DRC8: variants seen among roughly 807,000 people sequenced by gnomAD.
DRC8 encodes the protein dynein regulatory complex subunit 8.
the DRC8 span, among the ~76,000 whole-genome samples, chr1:244,986,447 A>G: frequency 2.6e-5 from 4 of 152,196 alleles, no homozygotes; most frequent in Admixed American, 6.5e-5. Context: ...GTGTGAAATG[A>G]AGTTTGAAAG....
At chr1:245,074,244 C>A in the DRC8 span, among the ~76,000 whole-genome samples, 3 of 152,178 alleles carry the variant, frequency 2.0e-5, no homozygotes, top group East Asian at 5.8e-4. Context: ...AGCTTTTCCT[C>A]CAATCATATT....
the DRC8 span, among the ~76,000 whole-genome samples, chr1:245,121,265 A>G: frequency 6.6e-6 from 1 of 152,310 alleles, no homozygotes; most frequent in East Asian, 1.9e-4. Context: ...CATAGATGTG[A>G]TCGTTGCTGT....
At chr1:245,082,928 C>T in the DRC8 span, among the ~76,000 whole-genome samples, 9 of 152,044 alleles carry the variant, frequency 5.9e-5, no homozygotes, top group Non-Finnish European at 1.3e-4. Context: ...AGGCTGGTCT[C>T]GAACTCCTGA....
At chr1:245,007,004 C>G in the DRC8 span, among the ~76,000 whole-genome samples, 1 of 152,064 alleles carries the variant, frequency 6.6e-6, no homozygotes, top group Admixed American at 6.6e-5. Flanking sequence ...TGTTGATGAT[C>G]AAATAGAATT....
chr1:245,098,856 C>T, the DRC8 span, among the ~76,000 whole-genome samples: 1 of 152,192 alleles, frequency 6.6e-6, no homozygotes, highest in Non-Finnish European at 1.5e-5. Context: ...GGAGTTCGAT[C>T]CAGCGGAGCC....
the DRC8 span, among the ~76,000 whole-genome samples, chr1:245,043,306 A>G: frequency 6.6e-6 from 1 of 151,942 alleles, no homozygotes; most frequent in Non-Finnish European, 1.5e-5. Context: ...GGTGGTGGGC[A>G]CCTGTAATCC....
chr1:245,092,466 G>T, the DRC8 span, among the ~76,000 whole-genome samples: 1 of 152,106 alleles, frequency 6.6e-6, no homozygotes, highest in Non-Finnish European at 1.5e-5. Flanking sequence ...TACCCTCCTG[G>T]GCTGCTTAAA....
At chr1:245,052,639 G>T in the DRC8 span, among the ~76,000 whole-genome samples, 1 of 152,266 alleles carries the variant, frequency 6.6e-6, no homozygotes, top group South Asian at 2.1e-4. Context: ...AGAAGCAGAG[G>T]TCAGTCGGCT....
At chr1:245,021,533 T>G in the DRC8 span, among the ~76,000 whole-genome samples, 2 of 152,124 alleles carry the variant, frequency 1.3e-5, no homozygotes, top group South Asian at 4.1e-4. Context: ...CCTCCTGAGT[T>G]CAAGCAATTC....
chr1:245,063,731 C>CT, the DRC8 span, among the ~76,000 whole-genome samples: 1 of 151,956 alleles, frequency 6.6e-6, no homozygotes, highest in Non-Finnish European at 1.5e-5. Flanking sequence ...GATCTCAACT[C>CT]TTTTTTTTGA....
the DRC8 span, among the ~76,000 whole-genome samples, chr1:245,107,845 G>A: frequency 6.6e-6 from 1 of 152,076 alleles, no homozygotes; most frequent in Admixed American, 6.5e-5. Flanking sequence ...GTTGTGCTGG[G>A]CACAATAGTC....
the DRC8 span, among the ~76,000 whole-genome samples, chr1:245,024,530 TTTTTC>T: frequency 1.3e-5 from 2 of 151,368 alleles, no homozygotes; most frequent in African/African-American, 4.9e-5. Context: ...GTTAATTTTC[TTTTTC>T]TTTTCTTTTC....
chr1:244,997,732 A>G, the DRC8 span, among the ~76,000 whole-genome samples: 24 of 151,966 alleles, frequency 1.6e-4, no homozygotes, highest in African/African-American at 5.3e-4. Flanking sequence ...TTTAGTAGAA[A>G]CGAGGTTTCA....
the DRC8 span, among the ~76,000 whole-genome samples, chr1:245,019,281 C>A: frequency 6.6e-6 from 1 of 150,636 alleles, no homozygotes; most frequent in East Asian, 1.9e-4. Context: ...TGAGGAATAA[C>A]AACATGGATG....
the DRC8 span, among the ~76,000 whole-genome samples, chr1:245,026,390 C>G: frequency 6.6e-6 from 1 of 152,166 alleles, no homozygotes; most frequent in African/African-American, 2.4e-5. Context: ...ACTTTTACTT[C>G]TTCACATATA....
At chr1:245,054,685 C>T in the DRC8 span, among the ~76,000 whole-genome samples, 1 of 152,264 alleles carries the variant, frequency 6.6e-6, no homozygotes. Context: ...TTCTCTTTCC[C>T]AGCCAATACA....
the DRC8 span, among the ~76,000 whole-genome samples, chr1:245,038,074 A>T: frequency 6.6e-6 from 1 of 152,236 alleles, no homozygotes; most frequent in African/African-American, 2.4e-5. Context: ...AAGTTAACAC[A>T]GTCTCAATTA....
the DRC8 span, chr1:245,091,437 A>G: frequency 6.6e-6 from 1 of 152,244 alleles, no homozygotes; most frequent in East Asian, 1.9e-4. Context: ...CAGTCTGGTG[A>G]ATGAACCCTA....
chr1:245,010,831 G>A, the DRC8 span, among the ~76,000 whole-genome samples: 5 of 151,672 alleles, frequency 3.3e-5, no homozygotes, highest in Non-Finnish European at 7.4e-5. Flanking sequence ...ACAGGCACCC[G>A]CCACCACACC....
Sources: allele counts gnomAD v4.1 joint callset (sites outside exome capture counted in the v4.1 genomes callset), GRCh38; gene constraint gnomAD v4.1.1; transcripts MANE v1.5; gene names NCBI Gene and HGNC (gene_info 2026-07-23, HGNC 2026-07-21).